WNK1: variants seen among roughly 807,000 people sequenced by gnomAD.
The protein encoded by WNK1 is serine/threonine-protein kinase WNK1.
WNK1 carries 38 observed loss-of-function variants against 222.8 expected under a neutral mutation model. That is an observed-to-expected ratio of 0.17 (90% CI 0.13 to 0.22). The LOEUF (loss-of-function observed/expected upper bound fraction) is 0.22, where lower values mean the gene tolerates loss of function less well. Among genes scored for constraint, WNK1 ranks in the 10% least tolerant of loss-of-function variants. The probability of loss-of-function intolerance (pLI) is 1.00; values close to 1 mark genes in which losing one functional copy is unlikely to be tolerated. For synonymous variants in WNK1, 1,090 were observed against 1,092.9 expected, an observed-to-expected ratio of 1.00 and a Z score of 0.05; for missense variants, 2,348 against 2,918.4, an observed-to-expected ratio of 0.80 and a Z score of 4.50.
intron 1 of WNK1, among the ~76,000 whole-genome samples, chr12:777,025 C>T (rs1390973697): frequency 1.3e-5 from 2 of 151,934 alleles, no homozygotes; most frequent in African/African-American, 4.8e-5. Context: ...TGTTACTATT[C>T]TGTGATTTAT....
intron 1 of WNK1, among the ~76,000 whole-genome samples, chr12:761,863 A>C (rs1054625689): frequency 6.8e-6 from 1 of 146,880 alleles, no homozygotes; most frequent in African/African-American, 2.4e-5. Context: ...TATCATTGTC[A>C]TATTAAAATG....
chr12:897,349 A>G (rs1175270036), intron 24 of WNK1, 130 bp from the exon 25 acceptor site: 1 of 722,060 alleles, frequency 1.4e-6, no homozygotes, highest in South Asian at 1.5e-5. Flanking sequence ...ATCTCGTGGT[A>G]GTACATTTGG....
intron 24 of WNK1, 135 bp from the exon 25 acceptor site, chr12:897,344 G>A (rs1464677732): frequency 1.4e-5 from 10 of 714,140 alleles, no homozygotes; most frequent in South Asian, 3.0e-5. Context: ...CTAGAATCTC[G>A]TGGTAGTACA....
At position 763,258 on chromosome 12, in the gene WNK1, C is replaced by T. The variant is rs1941263282; in HGVS notation, c.759+8934C>T. ...TGACATGTCCCATTCGAGATTTCATCACACTAGTCAGAATGGCACACAATT... is the reference window on the plus strand; with the variant it reads ...TGACATGTCCCATTCGAGATTTCATTACACTAGTCAGAATGGCACACAATT... On this transcript the variant is annotated intron_variant, in intron 1 of 27. Transcript: ENST00000315939. 1.4e-5 allele frequency among the ~76,000 whole-genome samples: 2 copies of T among 147,286 alleles called. 1 individual carries two copies. Among genetic ancestry groups the T allele is most frequent in the South Asian group, 4.4e-4 (2 of 4,516 alleles).
chr12:881,397 T>C, intron 12 of WNK1: 1 of 481,484 alleles, frequency 2.1e-6, no homozygotes, highest in Non-Finnish European at 3.8e-6. Context: ...CTGTCTGCGC[T>C]ATTGCACACT....
chr12:870,797 G>A (rs1424230979), intron 8 of WNK1, among the ~76,000 whole-genome samples: 1 of 152,224 alleles, frequency 6.6e-6, no homozygotes, highest in Non-Finnish European at 1.5e-5. Flanking sequence ...GTACTTGGCA[G>A]TTGATGATAA....
chr12:831,682 A>G (rs1191333652), intron 4 of WNK1, among the ~76,000 whole-genome samples: 3 of 152,194 alleles, frequency 2.0e-5, no homozygotes, highest in African/African-American at 4.8e-5. Context: ...TATTTGTAAC[A>G]TAATGAGTTA....
intron 4 of WNK1, among the ~76,000 whole-genome samples, chr12:850,971 C>A (rs1230083860): frequency 6.6e-6 from 1 of 151,970 alleles, no homozygotes; most frequent in Non-Finnish European, 1.5e-5. Context: ...TGGTTACTAG[C>A]CTTGTAGTAA....
Position 859,274 on chromosome 12 carries a change from C to G in WNK1, c.1430C>G (p.Ala477Gly). The G allele has an allele frequency of 6.2e-7, 1 of 1,613,574 alleles. No homozygotes were observed. Among genetic ancestry groups the G allele is most frequent in the Non-Finnish European group, 8.5e-7 (1 of 1,179,704 alleles). ...TCCATCAAAGACCTTTTGAACCATG[C>G]CTTCTTCCAAGAGGAAACAGGAGTA... ...RYSIKDLLNH[A>G]FFQEETGVRV... Residue 477 changes from alanine to glycine, a missense_variant, in exon 6 of 28, where the codon GCC becomes GGC. Around this residue, in one of 13 missense-constraint regions of WNK1, gnomAD observed 37 missense variants for 102.8 expected, o/e 0.36. Coordinates refer to ENST00000315939, the MANE Select transcript of WNK1 (RefSeq NM_018979.4).
chr12:861,942 A>G (rs1252979741), intron 7 of WNK1, 141 bp from the exon 8 acceptor site: 3 of 942,556 alleles, frequency 3.2e-6, no homozygotes, highest in Non-Finnish European at 4.9e-6. Flanking sequence ...GCTACAATTC[A>G]TTTTTTATTT....
chr12:832,900 A>G (rs1255906932), intron 4 of WNK1, among the ~76,000 whole-genome samples: 1 of 152,100 alleles, frequency 6.6e-6, no homozygotes, highest in African/African-American at 2.4e-5. Context: ...TTCTACATTT[A>G]TGCCCTTAGA....
intron 1 of WNK1, among the ~76,000 whole-genome samples, chr12:768,841 T>C (rs561752017): frequency 6.6e-6 from 1 of 152,230 alleles, no homozygotes; most frequent in African/African-American, 2.4e-5. Context: ...GACGGAGTCT[T>C]GCTCTGTCAC....
intron 9 of WNK1, among the ~76,000 whole-genome samples, chr12:873,141 C>A (rs974438053): frequency 6.6e-6 from 1 of 152,208 alleles, no homozygotes; most frequent in African/African-American, 2.4e-5. Flanking sequence ...ACTTGCTTAT[C>A]TTTGGATGTA....
chr12:771,910 A>G (rs1162382446), intron 1 of WNK1, among the ~76,000 whole-genome samples: 4 of 152,028 alleles, frequency 2.6e-5, no homozygotes, highest in Admixed American at 1.3e-4. Flanking sequence ...TCAGCCTCCC[A>G]AAGTATTGGG....
In WNK1 at chr12:794,614, A is replaced by G. The variant is rs371121790; in HGVS notation, c.760-19028A>G. On this transcript the variant is annotated intron_variant, in intron 1 of 27. Coordinates refer to ENST00000315939, the MANE Select transcript of WNK1 (RefSeq NM_018979.4). ...TGGGGTGTACTACACTAATTTTTGG[A>G]TGCTAAACCTTGGATTCCTGGGATA... is the stretch of plus-strand genomic sequence containing the variant. Among the ~76,000 whole-genome samples, 45 of 151,666 alleles carry G rather than the reference A, an allele frequency of 3.0e-4. 1 individual carries two copies. In the South Asian group the frequency reaches 8.9e-3, roughly 30 times the overall value.
At chr12:842,470 T>C (rs897873375) in intron 4 of WNK1, among the ~76,000 whole-genome samples, 4 of 152,176 alleles carry the variant, frequency 2.6e-5, no homozygotes, top group East Asian at 3.8e-4. Flanking sequence ...ATTATGGGGC[T>C]AGGTCTGTAT....
chr12:760,984 C>T (rs1482003880), intron 1 of WNK1, among the ~76,000 whole-genome samples: 2 of 144,404 alleles, frequency 1.4e-5, no homozygotes, highest in Admixed American at 6.9e-5. Flanking sequence ...AGAGTTTCAC[C>T]GTGTTGGACA....
chr12:880,786 G>GGGA lies in WNK1; in HGVS notation c.2899_2900insGAG (p.Val966_Ala967insGly). ...CAAATATTGCTCCCTCTTCCAACGTGGCTTCTGTTTGCATCCATTCTACAG... is the reference window on the plus strand; with the variant it reads ...CAAATATTGCTCCCTCTTCCAACGTGGGAGCTTCTGTTTGCATCCATTCTACAG... On this transcript the variant is annotated inframe_insertion, in exon 12 of 28. Coordinates refer to ENST00000315939, the MANE Select transcript of WNK1 (RefSeq NM_018979.4). The GGGA allele has an allele frequency of 1.2e-6, 2 of 1,613,944 alleles. No individual in the cohort carries two copies. The highest frequency in any genetic ancestry group is 1.7e-6 in the Non-Finnish European group (2 of 1,179,992).
chr12:908,861 G>GGGGGGGGGGGGGGGGGCCA lies in WNK1; in HGVS notation c.*69_*70insGGGGGGGGGGGGGGGGCCA. The GGGGGGGGGGGGGGGGGCCA allele has an allele frequency of 4.1e-6, 2 of 491,846 alleles. No individual in the cohort carries two copies. The highest frequency in any genetic ancestry group is 1.5e-5 in the South Asian group (1 of 66,948). 30.5% of individuals were successfully genotyped at this position (491,846 alleles called of 1,614,324 possible). ...ATGCTGAGGGGGTGGGTGGGGGTGG[G>GGGGGGGGGGGGGGGGGCCA]AAGTAGCCTATATACTAACTACTAG... On this transcript the variant is annotated 3_prime_UTR_variant, in exon 28 of 28. Coordinates refer to ENST00000315939, the MANE Select transcript of WNK1 (RefSeq NM_018979.4).
Sources: gnomAD v4.1 joint callset for allele counts (sites outside exome capture counted in the v4.1 genomes callset) on GRCh38, gnomAD v4.1.1 for gene constraint, gnomAD v4.1.1 regional missense constraint, MANE v1.5 for transcripts, NCBI Gene and HGNC (gene_info 2026-07-23, HGNC 2026-07-21) for gene names.